GLIPR1L2: variants seen among roughly 807,000 people sequenced by gnomAD.
GLIPR1L2 encodes the protein GLIPR1-like protein 2.
Under a neutral mutation model 28.4 loss-of-function variants are expected in GLIPR1L2, and 21 were observed. The observed-to-expected ratio is 0.74, with a 90% CI of 0.52 to 1.06. The LOEUF is 1.06. GLIPR1L2 is among the 50% of genes least tolerant of loss of function. The pLI, the probability that GLIPR1L2 is intolerant of heterozygous loss-of-function variation, is 0.00. For missense variants in GLIPR1L2, 476 were observed against 416.9 expected (o/e 1.14, Z -1.23); for synonymous variants, 145 against 139.3 (o/e 1.04, Z -0.29).
rs144216596 is a variant in GLIPR1L2, at chr12:75,417,377, C to T, written c.584+3676C>T. ...TTCTTAAGAGCCTTTGAAGGGAACA[C>T]AGCCCTGCCAACACCTTGATTTTGG... On this transcript the variant is annotated intron_variant, in intron 3 of 5. Transcript: ENST00000550916. 7.2e-5 allele frequency among the ~76,000 whole-genome samples: 11 copies of T among 152,238 alleles called. No homozygotes were observed. The East Asian group carries it at 1.9e-3, about 27-fold the overall frequency.
intron 3 of GLIPR1L2, among the ~76,000 whole-genome samples, chr12:75,421,994 T>C (rs1284842590): frequency 6.6e-6 from 1 of 151,746 alleles, no homozygotes; most frequent in Non-Finnish European, 1.5e-5. Flanking sequence ...TATTTCTTTA[T>C]TTCTTTATTT....
At chr12:75,418,152 T>C (rs1055415722) in intron 3 of GLIPR1L2, among the ~76,000 whole-genome samples, 2 of 152,174 alleles carry the variant, frequency 1.3e-5, no homozygotes, top group African/African-American at 2.4e-5. Context: ...TATTGTGTTA[T>C]ATAGATGAGG....
At chr12:75,401,213 A>G (rs2045738090) in intron 1 of GLIPR1L2, among the ~76,000 whole-genome samples, 1 of 151,736 alleles carries the variant, frequency 6.6e-6, no homozygotes, top group African/African-American at 2.4e-5. Flanking sequence ...CATAAATATG[A>G]GTGAATTTAA....
intron 1 of GLIPR1L2, among the ~76,000 whole-genome samples, chr12:75,406,247 C>A (rs2139934483): frequency 6.6e-6 from 1 of 152,116 alleles, no homozygotes; most frequent in East Asian, 1.9e-4. Flanking sequence ...TGTCTAAGAT[C>A]TTATTTAGTC....
At chr12:75,402,685 AT>A (rs1233782157) in intron 1 of GLIPR1L2, among the ~76,000 whole-genome samples, 1 of 152,162 alleles carries the variant, frequency 6.6e-6, no homozygotes, top group Admixed American at 6.5e-5. Context: ...TAAAGCCTAC[AT>A]TGCCCAGTGT....
intron 1 of GLIPR1L2, among the ~76,000 whole-genome samples, chr12:75,406,996 A>C (rs987547098): frequency 1.3e-5 from 2 of 151,978 alleles, no homozygotes; most frequent in African/African-American, 2.4e-5. Context: ...ATTACTCTGA[A>C]TATCATCTGA....
rs543278300 is a variant in GLIPR1L2, at chr12:75,429,320, G to C, written c.671-1395G>C. 2.6e-5 allele frequency among the ~76,000 whole-genome samples: 4 copies of C among 152,344 alleles called. No individual in the cohort carries two copies. The East Asian group carries it at 5.8e-4, about 22-fold the overall frequency. On this transcript the variant is annotated intron_variant, in intron 4 of 5. Transcript: ENST00000550916. Reference sequence around the variant, plus strand: ...AGCTTTAAGATGTAATGACTGTCCTGTTGGGTTTTGAACTTGCATGGGGCC... The same window carrying C: ...AGCTTTAAGATGTAATGACTGTCCTCTTGGGTTTTGAACTTGCATGGGGCC...
intron 1 of GLIPR1L2, among the ~76,000 whole-genome samples, chr12:75,400,153 C>T (rs1035618434): frequency 2.6e-5 from 4 of 152,182 alleles, no homozygotes; most frequent in Non-Finnish European, 5.9e-5. Context: ...GAGTCTCGCT[C>T]TGTTGCCCAG....
intron 2 of GLIPR1L2, among the ~76,000 whole-genome samples, chr12:75,412,738 C>T (rs2045881877): frequency 6.6e-6 from 1 of 151,876 alleles, no homozygotes; most frequent in Admixed American, 6.6e-5. Context: ...CACTTTTACA[C>T]TGTTGGTGGG....
intron 1 of GLIPR1L2, among the ~76,000 whole-genome samples, chr12:75,401,915 CAAA>C (rs1179643587): frequency 6.6e-6 from 1 of 151,670 alleles, no homozygotes; most frequent in Non-Finnish European, 1.5e-5. Context: ...AGAAAAGAAA[CAAA>C]GAATGAGAGA....
intron 4 of GLIPR1L2, among the ~76,000 whole-genome samples, chr12:75,425,168 A>G (rs540881292): frequency 1.3e-5 from 2 of 152,096 alleles, no homozygotes; most frequent in Non-Finnish European, 1.5e-5. Flanking sequence ...ATGACTCAGT[A>G]TGTAGCATCT....
chr12:75,420,249 T>TGA (rs1486640970), intron 3 of GLIPR1L2, among the ~76,000 whole-genome samples: 1 of 152,230 alleles, frequency 6.6e-6, no homozygotes, highest in Admixed American at 6.5e-5. Flanking sequence ...TGCTAGGTTG[T>TGA]CAAGCTATGG....
intron 3 of GLIPR1L2, among the ~76,000 whole-genome samples, chr12:75,421,537 C>A (rs1168998891): frequency 6.6e-6 from 1 of 152,168 alleles, no homozygotes; most frequent in Non-Finnish European, 1.5e-5. Flanking sequence ...CAATTATATA[C>A]CAGGTAAATA....
At chr12:75,408,276 C>A (rs1406060115) in intron 1 of GLIPR1L2, among the ~76,000 whole-genome samples, 1 of 151,922 alleles carries the variant, frequency 6.6e-6, no homozygotes, top group Non-Finnish European at 1.5e-5. Flanking sequence ...TTTATTTGCA[C>A]ATAGTCATGA....
intron 1 of GLIPR1L2, among the ~76,000 whole-genome samples, chr12:75,405,015 A>G (rs2139932238): frequency 6.6e-6 from 1 of 152,302 alleles, no homozygotes; most frequent in South Asian, 2.1e-4. Context: ...AGCTAGTGAG[A>G]TGGTATATTC....
Position 75,430,931 on chromosome 12 carries a change from A to C in GLIPR1L2, c.805A>C (p.Ile269Leu). Residue 269 changes from isoleucine (I) to leucine (L), a missense_variant, in exon 6 of 6, where the codon ATA (isoleucine) becomes CTA (leucine). Transcript: ENST00000550916. ...LRILCFILCV[I>L]TVLIVQSQFP... ...AATATTATGTTTTATCCTGTGTGTCATAACTGTTTTGATAGTACAGTCTCA... is the reference window on the plus strand; with the variant it reads ...AATATTATGTTTTATCCTGTGTGTCCTAACTGTTTTGATAGTACAGTCTCA... The C allele has an allele frequency of 6.5e-7, 1 of 1,535,616 alleles. No individual in the cohort carries two copies. Among genetic ancestry groups the C allele is most frequent in the Non-Finnish European group, 8.7e-7 (1 of 1,146,454 alleles).
intron 1 of GLIPR1L2, among the ~76,000 whole-genome samples, 177 bp from the exon 2 acceptor site, chr12:75,410,257 G>T (rs146564507): frequency 6.6e-6 from 1 of 151,588 alleles, no homozygotes; most frequent in East Asian, 1.9e-4. Flanking sequence ...TCAGGAAATG[G>T]TCATTTCATT....
chr12:75,428,293 T>C lies in GLIPR1L2; in HGVS notation c.671-2422T>C, dbSNP rs190369017. ...AACAGGCTGGTGGCATTTTTACCCA[T>C]GCCCTAGAAATCTGTGGAACTTTGA... On this transcript the variant is annotated intron_variant, in intron 4 of 5. Coordinates refer to ENST00000550916, the MANE Select transcript of GLIPR1L2 (RefSeq NM_001270396.2). 1.1e-3 allele frequency among the ~76,000 whole-genome samples: 171 copies of C among 152,324 alleles called. 2 individuals carry two copies. The highest frequency in any genetic ancestry group is 2.1e-3 in the Non-Finnish European group (142 of 68,018).
intron 1 of GLIPR1L2, chr12:75,402,981 G>T (rs2045758498): frequency 2.2e-6 from 1 of 456,634 alleles, no homozygotes; most frequent in Non-Finnish European, 4.4e-6. Flanking sequence ...CCTCCACTTT[G>T]TTAACAAGTG....
Sources: allele counts gnomAD v4.1 joint callset (sites outside exome capture counted in the v4.1 genomes callset), GRCh38; gene constraint gnomAD v4.1.1; transcripts MANE v1.5; gene names NCBI Gene and HGNC (gene_info 2026-07-23, HGNC 2026-07-21).